Variants in GOLGA5 observed in about 807,000 individuals in gnomAD.
GOLGA5 encodes golgin subfamily A member 5.
A neutral mutation model predicts 93.5 loss-of-function variants in GOLGA5; 50 were observed. The ratio of observed to expected loss-of-function variants is 0.53; its 90% CI spans 0.43 to 0.68. The LOEUF is 0.68. GOLGA5 is among the 30% of genes least tolerant of loss of function. GOLGA5 has a pLI of 0.00. For synonymous variants in GOLGA5, 312 were observed against 304.5 expected (o/e 1.02, Z -0.26); for missense variants, 760 against 856.4 (o/e 0.89, Z 1.40).
At chr14:92,806,512 C>T (rs984497291) in intron 2 of GOLGA5, among the ~76,000 whole-genome samples, 13 of 152,062 alleles carry the variant, frequency 8.5e-5, no homozygotes, top group South Asian at 2.1e-4. Flanking sequence ...GGGGTTTCAC[C>T]GTGTTGGTCA....
Position 92,811,676 on chromosome 14 carries a change from C to A in GOLGA5, c.1242C>A (p.Val414=). ...KKRVDELQQQ[V]KLYKLNLESS... is the part of the protein sequence containing the mutation. ...GGGTTGATGAACTGCAGCAGCAAGT[C>A]AAGCTGTATAAGTTGAACTTGGAGT... The change falls in exon 6 of 13, where the codon GTC becomes GTA. Residue 414 remains valine, a synonymous_variant. Coordinates refer to ENST00000163416, the MANE Select transcript of GOLGA5 (RefSeq NM_005113.4). 1 of 1,612,540 alleles carries A rather than the reference C, an allele frequency of 6.2e-7. No homozygotes were observed. Among genetic ancestry groups the A allele is most frequent in the South Asian group, 1.1e-5 (1 of 90,822 alleles).
intron 9 of GOLGA5, among the ~76,000 whole-genome samples, chr14:92,825,389 T>C (rs1159592264): frequency 6.6e-6 from 1 of 152,216 alleles, no homozygotes; most frequent in African/African-American, 2.4e-5. Context: ...AGCTCACTGA[T>C]TTGAGCATTC....
At chr14:92,808,088 G>A (rs963377774) in intron 3 of GOLGA5, among the ~76,000 whole-genome samples, 6 of 152,076 alleles carry the variant, frequency 3.9e-5, no homozygotes, top group Non-Finnish European at 8.8e-5. Flanking sequence ...AAAAAAATTA[G>A]CTGGGCATGG....
Position 92,799,272 on chromosome 14 carries a change from A to ATTTTTTTTTTTTTTTT in GOLGA5, c.544+1306_544+1307insTTTTTTTTTTTTTTTT, listed in dbSNP as rs1191305000. Among the ~76,000 whole-genome samples the ATTTTTTTTTTTTTTTT allele has an allele frequency of 2.0e-4, 25 of 124,190 alleles. 3 individuals are homozygous for ATTTTTTTTTTTTTTTT. Among genetic ancestry groups the ATTTTTTTTTTTTTTTT allele is most frequent in the African/African-American group, 7.5e-4 (22 of 29,344 alleles). The allele number at this position is 124,190 out of a possible 152,430, so 81.5% of individuals were successfully genotyped here. Reference sequence around the variant, plus strand: ...GATCTACCGTGGCCTGGCCATAGGGATTTTTTTTTTTTTTTCTTTTTTGAG... The same window carrying ATTTTTTTTTTTTTTTT: ...GATCTACCGTGGCCTGGCCATAGGGATTTTTTTTTTTTTTTTTTTTTTTTTTTTTTTCTTTTTTGAG... On this transcript the variant is annotated intron_variant, in intron 2 of 12. Transcript: ENST00000163416.
chr14:92,799,255 G>C (rs1201237129), intron 2 of GOLGA5, among the ~76,000 whole-genome samples: 1 of 151,178 alleles, frequency 6.6e-6, no homozygotes, highest in Non-Finnish European at 1.5e-5. Flanking sequence ...ATGATCTACC[G>C]TGGCCTGGCC....
chr14:92,839,217 A>G, intron 12 of GOLGA5, 149 bp from the exon 13 acceptor site: 1 of 604,120 alleles, frequency 1.7e-6, no homozygotes. Context: ...CATTGCACTG[A>G]GCTCATTTAG....
intron 9 of GOLGA5, among the ~76,000 whole-genome samples, chr14:92,832,448 T>A (rs1423571650): frequency 1.3e-5 from 2 of 152,142 alleles, no homozygotes; most frequent in Non-Finnish European, 2.9e-5. Flanking sequence ...TGGAGACAGA[T>A]AAGACCAGAT....
chr14:92,804,930 G>A (rs548240938), intron 2 of GOLGA5, among the ~76,000 whole-genome samples: 1 of 152,310 alleles, frequency 6.6e-6, no homozygotes, highest in East Asian at 1.9e-4. Flanking sequence ...ACAGGCGTGA[G>A]CCACCACGCC....
intron 9 of GOLGA5, among the ~76,000 whole-genome samples, chr14:92,831,632 T>G (rs764694258): frequency 6.6e-6 from 1 of 152,218 alleles, no homozygotes; most frequent in Non-Finnish European, 1.5e-5. Flanking sequence ...TATTTCACTA[T>G]ATAGATTTTA....
At chr14:92,809,088 A>G (rs576351339) in intron 3 of GOLGA5, among the ~76,000 whole-genome samples, 1 of 152,248 alleles carries the variant, frequency 6.6e-6, no homozygotes, top group African/African-American at 2.4e-5. Context: ...AGCTAGCTTC[A>G]CGCCCCTTTC....
intron 3 of GOLGA5, 66 bp from the exon 4 acceptor site, chr14:92,809,234 C>A: frequency 9.5e-7 from 1 of 1,053,216 alleles, no homozygotes; most frequent in Non-Finnish European, 1.4e-6. Context: ...AAAGTAGAAA[C>A]TGTACGTGCT....
chr14:92,828,914 C>T (rs759570450), intron 9 of GOLGA5, among the ~76,000 whole-genome samples: 5 of 152,158 alleles, frequency 3.3e-5, no homozygotes, highest in Non-Finnish European at 7.3e-5. Context: ...ACCAATCCAC[C>T]TGCGTCAGCG....
At position 92,837,457 on chromosome 14, in the gene GOLGA5, AATTT is replaced by A. The variant is rs750568497; in HGVS notation, c.2115+13_2115+16del. The A allele has an allele frequency of 8.2e-7, 1 of 1,217,144 alleles. No homozygotes were observed. The highest frequency in any genetic ancestry group is 2.3e-5 in the East Asian group (1 of 42,904). The allele number at this position is 1,217,144 out of a possible 1,614,324, so 75.4% of individuals were successfully genotyped here. A position where few individuals can be genotyped will look rare whatever the true frequency, so the allele number is the denominator to read the frequency against. ...TTTGTAATTATATATATGGTAAGTAAATTTATTTGAAAAAACAATGATGCACTTG... is the reference window on the plus strand; with the variant it reads ...TTTGTAATTATATATATGGTAAGTAAATTTGAAAAAACAATGATGCACTTG... On this transcript the variant is annotated intron_variant, in intron 12 of 12. Coordinates refer to ENST00000163416, the MANE Select transcript of GOLGA5 (RefSeq NM_005113.4).
chr14:92,815,722 T>A (rs1394629462), intron 6 of GOLGA5, among the ~76,000 whole-genome samples: 2 of 99,368 alleles, frequency 2.0e-5, no homozygotes, highest in Admixed American at 2.2e-4. Flanking sequence ...TTTTTTTTTT[T>A]AGACGGAGTC....
chr14:92,828,715 C>A (rs1267428499), intron 9 of GOLGA5, among the ~76,000 whole-genome samples: 2 of 152,172 alleles, frequency 1.3e-5, no homozygotes, highest in Non-Finnish European at 2.9e-5. Context: ...GTTGCCCAGA[C>A]TGGAGTGCAG....
chr14:92,794,826 G>A (rs187615392), intron 1 of GOLGA5, among the ~76,000 whole-genome samples: 3,467 of 152,216 alleles, frequency 0.023, 62 homozygotes, highest in Non-Finnish European at 0.035. Context: ...CCCTCCCTCT[G>A]TGCTGACGCC....
chr14:92,833,108 AC>A lies in GOLGA5; in HGVS notation c.1720-13del, dbSNP rs1230728822. 4 of 1,430,156 alleles carry A rather than the reference AC, an allele frequency of 2.8e-6. No homozygotes were observed. Among genetic ancestry groups the A allele is most frequent in the Non-Finnish European group, 4.0e-6 (4 of 1,012,586 alleles). 88.6% of individuals were successfully genotyped at this position (1,430,156 alleles called of 1,614,324 possible). ...CATTTTATGTAAGAATTTTGTGAAC[AC>A]TTTCTCTTTCAGCTTACCAATAAAA... is the stretch of plus-strand genomic sequence containing the variant. On this transcript the variant is annotated splice_polypyrimidine_tract_variant and intron_variant, in intron 9 of 12. Coordinates refer to ENST00000163416, the MANE Select transcript of GOLGA5 (RefSeq NM_005113.4).
chr14:92,832,175 CAA>C (rs1435103999), intron 9 of GOLGA5, among the ~76,000 whole-genome samples: 2 of 151,924 alleles, frequency 1.3e-5, no homozygotes, highest in South Asian at 2.1e-4. Context: ...AAGACTTCAA[CAA>C]AGAGTATGAA....
chr14:92,818,390 G>A (rs368971286), intron 7 of GOLGA5, among the ~76,000 whole-genome samples: 2 of 152,160 alleles, frequency 1.3e-5, no homozygotes, highest in African/African-American at 4.8e-5. Context: ...AGAAATTTAG[G>A]CATGGAGAAG....
Sources: gnomAD v4.1 joint callset for allele counts (sites outside exome capture counted in the v4.1 genomes callset) on GRCh38, gnomAD v4.1.1 for gene constraint, MANE v1.5 for transcripts, NCBI Gene and HGNC (gene_info 2026-07-23, HGNC 2026-07-21) for gene names.